Variants in RASEF observed in about 807,000 individuals in gnomAD.
RASEF encodes the protein RAS and EF-hand domain containing, also known as ras and EF-hand domain-containing protein.
RASEF carries 68 observed loss-of-function variants against 90.1 expected under a neutral mutation model. The observed-to-expected ratio is 0.75, with a 90% CI of 0.62 to 0.92. The LOEUF (loss-of-function observed/expected upper bound fraction) is 0.92, where lower values mean the gene tolerates loss of function less well. Among genes scored for constraint, RASEF ranks in the 40% least tolerant of loss-of-function variants. The pLI is 0.00. For missense variants in RASEF, 949 were observed against 937.2 expected (o/e 1.01, Z -0.16); for synonymous variants, 331 against 345.2 (o/e 0.96, Z 0.46).
the RASEF span, among the ~76,000 whole-genome samples, chr9:83,101,139 A>C: frequency 6.6e-6 from 1 of 152,226 alleles, no homozygotes; most frequent in African/African-American, 2.4e-5. Flanking sequence ...TGACATGAGG[A>C]AGCTACAAAA....
intron 1 of RASEF, among the ~76,000 whole-genome samples, chr9:83,040,195 T>A (rs1829812942): frequency 6.6e-6 from 1 of 152,248 alleles, no homozygotes; most frequent in Admixed American, 6.5e-5. Flanking sequence ...CAGGTATTTC[T>A]TCAAAGCAGT....
intron 8 of RASEF, among the ~76,000 whole-genome samples, chr9:83,004,793 TCTC>T (rs1219590068): frequency 1.3e-5 from 2 of 152,148 alleles, no homozygotes; most frequent in Non-Finnish European, 2.9e-5. Context: ...CATAGTACGC[TCTC>T]CTCCTCATCC....
the RASEF span, among the ~76,000 whole-genome samples, chr9:83,092,959 G>C: frequency 1.3e-5 from 2 of 151,954 alleles, no homozygotes; most frequent in Admixed American, 6.6e-5. Context: ...GGTGCTGATT[G>C]GTGTGTTTAC....
chr9:83,109,236 A>G, the RASEF span, among the ~76,000 whole-genome samples: 69 of 152,334 alleles, frequency 4.5e-4, no homozygotes, highest in African/African-American at 1.5e-3. Context: ...AATGAGTAAT[A>G]AAGAAATGGA....
chr9:83,194,041 T>G, the RASEF span, among the ~76,000 whole-genome samples: 1 of 151,966 alleles, frequency 6.6e-6, no homozygotes, highest in Non-Finnish European at 1.5e-5. Context: ...ATACAGAGAG[T>G]TCCTATATAC....
the RASEF span, among the ~76,000 whole-genome samples, chr9:83,096,781 C>A: frequency 3.3e-5 from 5 of 152,078 alleles, no homozygotes; most frequent in African/African-American, 1.2e-4. Flanking sequence ...TCCCTCCCCC[C>A]TCCACCCACC....
chr9:83,153,052 G>C, the RASEF span, among the ~76,000 whole-genome samples: 4 of 152,034 alleles, frequency 2.6e-5, no homozygotes, highest in Non-Finnish European at 5.9e-5. Context: ...CGGAAAACTT[G>C]TTTTTGCATA....
At chr9:83,167,211 G>A in the RASEF span, among the ~76,000 whole-genome samples, 2 of 151,682 alleles carry the variant, frequency 1.3e-5, no homozygotes, top group African/African-American at 4.8e-5. Context: ...TTTAGGCAAA[G>A]TAAATAAGGA....
In RASEF at chr9:83,007,603, C is replaced by T. The variant is rs79597698; in HGVS notation, c.960-98G>A. The T allele has an allele frequency of 1.1e-3, 950 of 887,464 alleles. 7 individuals carry two copies. In the African/African-American group the frequency reaches 0.013, roughly 12 times the overall value. 55.0% of individuals were successfully genotyped at this position (887,464 alleles called of 1,614,324 possible). A position where few individuals can be genotyped will look rare whatever the true frequency, so the allele number is the denominator to read the frequency against. ...GACCCTTTCCCACCTTTTTCAAAGACGAGTGTCCTTGGCCACAGTTTTCTA... is the reference window on the plus strand; with the variant it reads ...GACCCTTTCCCACCTTTTTCAAAGATGAGTGTCCTTGGCCACAGTTTTCTA... On this transcript the variant is annotated intron_variant, in intron 6 of 16. Coordinates refer to ENST00000376447, the MANE Select transcript of RASEF (RefSeq NM_152573.4).
At chr9:83,163,285 G>T in the RASEF span, among the ~76,000 whole-genome samples, 1 of 152,124 alleles carries the variant, frequency 6.6e-6, no homozygotes, top group East Asian at 1.9e-4. Flanking sequence ...ATGACTAAAG[G>T]CATGTCTACA....
the RASEF span, among the ~76,000 whole-genome samples, chr9:83,098,000 G>T: frequency 2.0e-5 from 3 of 152,136 alleles, no homozygotes; most frequent in African/African-American, 7.2e-5. Flanking sequence ...AAAATTGTGA[G>T]TCTGGGAGTT....
chr9:82,994,999 A>C (rs981797571), intron 14 of RASEF, among the ~76,000 whole-genome samples: 1 of 152,226 alleles, frequency 6.6e-6, no homozygotes, highest in Non-Finnish European at 1.5e-5. Flanking sequence ...AGCCATGGAG[A>C]AACTTCACTG....
chr9:83,121,706 G>A, the RASEF span, among the ~76,000 whole-genome samples: 2 of 152,120 alleles, frequency 1.3e-5, no homozygotes, highest in African/African-American at 4.8e-5. Flanking sequence ...GGCACTCTTG[G>A]TTGTGAACTG....
At chr9:83,193,185 T>C in the RASEF span, among the ~76,000 whole-genome samples, 4 of 152,204 alleles carry the variant, frequency 2.6e-5, no homozygotes, top group Non-Finnish European at 4.4e-5. Flanking sequence ...CAGGCAGCTG[T>C]AGTGCCAGGT....
At chr9:83,201,901 C>G in the RASEF span, 1 of 152,476 alleles carries the variant, frequency 6.6e-6, no homozygotes, top group Admixed American at 6.6e-5. Context: ...CTTCAAGCAC[C>G]GAGAAGCCAG....
At chr9:83,092,623 G>A in the RASEF span, among the ~76,000 whole-genome samples, 7 of 152,166 alleles carry the variant, frequency 4.6e-5, no homozygotes, top group Non-Finnish European at 8.8e-5. Context: ...GAGCAGTAGC[G>A]AGATTTATTG....
At chr9:83,161,352 G>T in the RASEF span, among the ~76,000 whole-genome samples, 1 of 152,190 alleles carries the variant, frequency 6.6e-6, no homozygotes, top group African/African-American at 2.4e-5. Flanking sequence ...GTGAGACATG[G>T]AATCAAAGGA....
At chr9:83,075,888 G>A in the RASEF span, among the ~76,000 whole-genome samples, 162 of 151,954 alleles carry the variant, frequency 1.1e-3, no homozygotes, top group Middle Eastern at 3.4e-3. Context: ...TTCTAAAGCC[G>A]GCAGGGCACG....
At chr9:83,144,387 GAAAGGAAAGAAA>G in the RASEF span, among the ~76,000 whole-genome samples, 4 of 21,870 alleles carry the variant, frequency 1.8e-4, no homozygotes, top group South Asian at 1.8e-3. Flanking sequence ...AAGAAAGAAA[GAAAGGAAAGAAA>G]GAAAGAAAGA....
Sources: allele counts gnomAD v4.1 joint callset (sites outside exome capture counted in the v4.1 genomes callset), GRCh38; gene constraint gnomAD v4.1.1; transcripts MANE v1.5; gene names NCBI Gene and HGNC (gene_info 2026-07-23, HGNC 2026-07-21).